The following ACADVL variants were observed in gnomAD, a reference collection of about 807,000 sequenced individuals.
ACADVL encodes acyl-CoA dehydrogenase very long chain.
ACADVL carries 73 observed loss-of-function variants against 80.4 expected under a neutral mutation model. The ratio of observed to expected loss-of-function variants is 0.91; its 90% CI spans 0.75 to 1.10. ACADVL has a LOEUF of 1.10. Among genes scored for constraint, ACADVL ranks in the 50% least tolerant of loss-of-function variants. The pLI, the probability that ACADVL is intolerant of heterozygous loss-of-function variation, is 0.00. For missense variants in ACADVL, 878 were observed against 858.9 expected (o/e 1.02, Z -0.28); for synonymous variants, 392 against 326.5 (o/e 1.20, Z -2.16).
At chr17:7,222,332 G>A (rs928916013) in intron 9 of ACADVL, 30 bp downstream of exon 9, 2 of 1,610,550 alleles carry the variant, frequency 1.2e-6, no homozygotes, top group Non-Finnish European at 1.7e-6. Flanking sequence ...GGGAGCTTAG[G>A]ACTGAGGGGC....
At chr17:7,219,488 G>T, upstream of ACADVL, 4 of 1,041,256 alleles carry the variant, frequency 3.8e-6, no homozygotes, top group Non-Finnish European at 4.6e-6. Flanking sequence ...ACCCTAGCTT[G>T]GGTGCCCCCC....
At chr17:7,218,374 G>A, upstream of ACADVL, 1 of 1,462,186 alleles carries the variant, frequency 6.8e-7, no homozygotes. Flanking sequence ...GCTGGCAAGG[G>A]AGGAGCCCTT....
rs398123095 is a variant in ACADVL at position 7,222,738 on chromosome 17, T to C, written c.950T>C (p.Val317Ala). ...GAGGTGTTCTTTGATGGAGTACGGG[T>C]GCCATCGGAGAACGTGCTGGGTGAG... Reference protein sequence around the residue: ...TAEVFFDGVRVPSENVLGEVG... With the variant: ...TAEVFFDGVRAPSENVLGEVG... Residue 317 changes from valine to alanine, a missense_variant, in exon 10 of 20, where the codon GTG becomes GCG. Val to Ala is a moderately conservative substitution (Grantham distance 64). Transcript: ENST00000356839. 50 of 1,613,880 alleles carry C rather than the reference T, an allele frequency of 3.1e-5. No individual in the cohort carries two copies. Among genetic ancestry groups the C allele is most frequent in the Non-Finnish European group, 4.2e-5 (49 of 1,179,998 alleles).
chr17:7,217,609 G>C, upstream of ACADVL: 1 of 1,432,384 alleles, frequency 7.0e-7, no homozygotes, highest in Non-Finnish European at 9.2e-7. Context: ...GAGCCGAAGA[G>C]GGAAGGGGAG....
At chr17:7,221,392 C>G in intron 6 of ACADVL, 146 bp from the exon 7 acceptor site, 2 of 1,406,812 alleles carry the variant, frequency 1.4e-6, no homozygotes, top group Non-Finnish European at 2.0e-6. Flanking sequence ...CACTTCTTTT[C>G]TACACACTGG....
rs369512281 is a variant in ACADVL at position 7,220,055 on chromosome 17, G to A, written c.62+9G>A. ...AGGCTCGGGGGCGGAAGGTCTGTGT[G>A]TGACAAGAGGGACGGTGGGCAGCGG... On this transcript the variant is annotated intron_variant, in intron 1 of 19. Transcript: ENST00000356839. 2.2e-5 allele frequency: 36 copies of A among 1,602,336 alleles called. No homozygotes were observed. In the African/African-American group the frequency reaches 3.3e-4, roughly 15 times the overall value.
chr17:7,221,266 G>A lies in ACADVL; in HGVS notation c.477+208G>A, dbSNP rs1010045114. 7 of 992,888 alleles carry A rather than the reference G, an allele frequency of 7.1e-6. No homozygotes were observed. The African/African-American group carries it at 1.1e-4, about 16-fold the overall frequency. The allele number at this position is 992,888 out of a possible 1,614,324, so 61.5% of individuals were successfully genotyped here. On this transcript the variant is annotated intron_variant, in intron 6 of 19. Coordinates refer to ENST00000356839, the MANE Select transcript of ACADVL (RefSeq NM_000018.4). ...CCATGGGCCTCACCCTGGTTCCCAA[G>A]TCCTTACAAATCTCTAAGTTGGGGA...
In ACADVL at chr17:7,220,946, ATGACGC is replaced by A. The variant is rs764763599; in HGVS notation, c.367_372del (p.Asp123_Ala124del). On this transcript the variant is annotated inframe_deletion, in exon 6 of 20. Transcript: ENST00000356839. ...CAGGAAGTGAACGATCCCGCCAAGAATGACGCTCTGGAGATGGTGGAGGAGACCACT... is the reference window on the plus strand; with the variant it reads ...CAGGAAGTGAACGATCCCGCCAAGAATCTGGAGATGGTGGAGGAGACCACT... 1 of 1,614,058 alleles carries A rather than the reference ATGACGC, an allele frequency of 6.2e-7. No homozygotes were observed. Among genetic ancestry groups the A allele is most frequent in the East Asian group, 2.2e-5 (1 of 44,882 alleles).
At chr17:7,217,677 G>A (rs865967826), upstream of ACADVL, 5 of 1,490,238 alleles carry the variant, frequency 3.4e-6, no homozygotes, top group Middle Eastern at 9.6e-4. Flanking sequence ...CAGAATGGGG[G>A]GGGTGCCTTG....
In ACADVL at chr17:7,221,046, T is replaced by C; in HGVS notation, c.465T>C (p.Leu155=). ...QVPSELGGVG[L]CNTQYARLVE... ...CCAGTGAGCTGGGTGGTGTGGGCCT[T>C]TGCAACACCCAGGTGAGGGCGCCCT... The change falls in exon 6 of 20, where the codon CTT becomes CTC. Residue 155 remains leucine (L), a synonymous_variant. Transcript: ENST00000356839. The C allele has an allele frequency of 6.2e-7, 1 of 1,613,686 alleles. No homozygotes were observed. The highest frequency in any genetic ancestry group is 8.5e-7 in the Non-Finnish European group (1 of 1,180,016).
In ACADVL at chr17:7,223,176, A is replaced by C. The variant is rs2071313606; in HGVS notation, c.1121A>C (p.His374Pro). The change falls in exon 11 of 20, where the codon CAC (histidine) becomes CCC (proline). Residue 374 changes from histidine (H) to proline (P), a missense_variant. By Grantham distance (77) the His-to-Pro change is moderately conservative. Coordinates refer to ENST00000356839, the MANE Select transcript of ACADVL (RefSeq NM_000018.4). ...TNRTQFGEKI[H>P]NFGLIQEKLA... ...CGTACCCAGTTTGGGGAGAAAATTC[A>C]CAACTTTGGGCTGATCCAGGAGAAG... The C allele has an allele frequency of 1.2e-6, 2 of 1,614,118 alleles. No homozygotes were observed. Among genetic ancestry groups the C allele is most frequent in the Non-Finnish European group, 1.7e-6 (2 of 1,180,010 alleles).
chr17:7,221,910 A>G (rs781555255), intron 7 of ACADVL, 42 bp from the exon 8 acceptor site: 13 of 1,613,666 alleles, frequency 8.1e-6, no homozygotes, highest in Middle Eastern at 1.6e-4. Flanking sequence ...GGGACTTTGA[A>G]GCTCATCAGA....
upstream of ACADVL, chr17:7,219,152 C>T (rs1567558053): frequency 2.1e-6 from 1 of 469,818 alleles, no homozygotes; most frequent in Non-Finnish European, 3.8e-6. Flanking sequence ...CCTGGGCCTC[C>T]TCTCACCCCA....
upstream of ACADVL, chr17:7,218,859 C>T (rs762251270): frequency 6.2e-7 from 1 of 1,613,636 alleles, no homozygotes; most frequent in East Asian, 2.2e-5. Flanking sequence ...TCTCTCTCTT[C>T]TCTCACTTTA....
intron 7 of ACADVL, 63 bp from the exon 8 acceptor site, chr17:7,221,889 A>G (rs2071246439): frequency 1.2e-6 from 2 of 1,612,830 alleles, no homozygotes; most frequent in African/African-American, 2.7e-5. Flanking sequence ...GGGATGGGGA[A>G]GTGGGCCGAG....
At chr17:7,222,624 C>A in intron 9 of ACADVL, 43 bp from the exon 10 acceptor site, 2 of 1,562,392 alleles carry the variant, frequency 1.3e-6, no homozygotes, top group Non-Finnish European at 1.7e-6. Context: ...CCAGTGACAA[C>A]CTGTTGAACA....
At chr17:7,217,212 C>T (rs2070959099), upstream of ACADVL, 1 of 1,263,110 alleles carries the variant, frequency 7.9e-7, no homozygotes, top group Non-Finnish European at 1.0e-6. Flanking sequence ...CGTTCCTCCC[C>T]TCCGTGGGTT....
intron 9 of ACADVL, 146 bp downstream of exon 9, chr17:7,222,448 A>C: frequency 7.5e-7 from 1 of 1,326,760 alleles, no homozygotes; most frequent in Non-Finnish European, 1.0e-6. Flanking sequence ...TATGTATGCA[A>C]CTGAGCTAAA....
At chr17:7,223,550 G>C (rs1363176591) in intron 11 of ACADVL, 94 bp from the exon 12 acceptor site, 2 of 1,350,772 alleles carry the variant, frequency 1.5e-6, no homozygotes, top group Admixed American at 1.7e-5. Flanking sequence ...TGACAAGCTA[G>C]GTCAGCCCTT....
Sources: allele counts gnomAD v4.1 joint callset, GRCh38; gene constraint gnomAD v4.1.1; transcripts MANE v1.5; gene names NCBI Gene and HGNC (gene_info 2026-07-23, HGNC 2026-07-21).